Variants in CCDC91 observed in about 807,000 individuals in gnomAD.
CCDC91 encodes coiled-coil domain-containing protein 91.
CCDC91 carries 48 observed loss-of-function variants against 63.2 expected under a neutral mutation model. The observed-to-expected ratio is 0.76, with a 90% CI of 0.60 to 0.97. CCDC91 has a LOEUF of 0.97. Among genes scored for constraint, CCDC91 ranks in the 50% least tolerant of loss-of-function variants. The pLI is 0.00. For synonymous variants in CCDC91, 167 were observed against 165.8 expected, an observed-to-expected ratio of 1.01 and a Z score of -0.06; for missense variants, 500 against 494.6, an observed-to-expected ratio of 1.01 and a Z score of -0.10.
At chr12:28,394,461 CAAA>C (rs200162921) in intron 8 of CCDC91, among the ~76,000 whole-genome samples, 3 of 144,804 alleles carry the variant, frequency 2.1e-5, no homozygotes, top group African/African-American at 8.0e-5. Context: ...GAGTCTGTCT[CAAA>C]AAAACAAACA....
intron 12 of CCDC91, among the ~76,000 whole-genome samples, chr12:28,492,778 AT>A (rs1401772798): frequency 6.6e-6 from 1 of 151,590 alleles, no homozygotes; most frequent in Non-Finnish European, 1.5e-5. Flanking sequence ...CTATAAAACT[AT>A]GTTGTTTTTG....
chr12:28,316,753 T>C (rs1193557294), intron 6 of CCDC91, among the ~76,000 whole-genome samples: 4 of 151,756 alleles, frequency 2.6e-5, no homozygotes, highest in African/African-American at 9.7e-5. Context: ...TTTAAAATTC[T>C]GTGTTTTTGT....
Position 28,267,844 on chromosome 12 carries a change from AT to A in CCDC91, c.109+8404del, listed in dbSNP as rs1471703419. ...TATTATTAATATATAATTATATATA[AT>A]TATATAGTAATATATAATTATATAT... On this transcript the variant is annotated intron_variant, in intron 3 of 12. Transcript: ENST00000536442. Among the ~76,000 whole-genome samples the A allele has an allele frequency of 6.0e-3, 116 of 19,314 alleles. 14 individuals carry two copies. Among genetic ancestry groups the A allele is most frequent in the Middle Eastern group, 0.091 (2 of 22 alleles). The allele number at this position is 19,314 out of a possible 152,430, so 12.7% of individuals were successfully genotyped here.
chr12:28,259,477 T>G (rs1818039509), intron 3 of CCDC91, 35 bp downstream of exon 3: 3 of 1,401,760 alleles, frequency 2.1e-6, no homozygotes, highest in Non-Finnish European at 3.0e-6. Flanking sequence ...TTTTTTTTTT[T>G]TTTTTCCCAT....
chr12:28,456,932 A>G (rs74072604), intron 11 of CCDC91, among the ~76,000 whole-genome samples: 116 of 152,298 alleles, frequency 7.6e-4, no homozygotes, highest in African/African-American at 2.6e-3. Context: ...TAATTTCTAG[A>G]TAGGGTTCTA....
intron 11 of CCDC91, among the ~76,000 whole-genome samples, chr12:28,479,322 A>G (rs1199365176): frequency 5.3e-5 from 8 of 152,188 alleles, no homozygotes; most frequent in African/African-American, 1.9e-4. Context: ...AGGGACATGG[A>G]TGAAGCTGGT....
intron 6 of CCDC91, among the ~76,000 whole-genome samples, chr12:28,321,118 AT>A (rs888841775): frequency 6.6e-6 from 1 of 151,502 alleles, no homozygotes; most frequent in South Asian, 2.1e-4. Context: ...CTATTTGAGC[AT>A]TTTTTTTGCT....
At chr12:28,304,161 G>A (rs1938389552) in intron 3 of CCDC91, among the ~76,000 whole-genome samples, 1 of 151,638 alleles carries the variant, frequency 6.6e-6, no homozygotes, top group Non-Finnish European at 1.5e-5. Flanking sequence ...GGCGGATCAT[G>A]AGGTCAGGAG....
At chr12:28,361,617 GCT>G (rs1943892946) in intron 6 of CCDC91, among the ~76,000 whole-genome samples, 1 of 150,402 alleles carries the variant, frequency 6.6e-6, no homozygotes, top group Non-Finnish European at 1.5e-5. Flanking sequence ...TCTGTTTCCG[GCT>G]CTCTTTCATC....
chr12:28,202,851 T>A (rs912434473), intron 1 of CCDC91, among the ~76,000 whole-genome samples: 7 of 152,224 alleles, frequency 4.6e-5, no homozygotes, highest in Admixed American at 4.6e-4. Context: ...CTGGTCAGCT[T>A]GTTGTTTGCC....
intron 7 of CCDC91, among the ~76,000 whole-genome samples, chr12:28,375,939 G>A (rs1944915849): frequency 6.6e-6 from 1 of 151,632 alleles, no homozygotes; most frequent in Non-Finnish European, 1.5e-5. Context: ...TTTGTTTTAA[G>A]GTCCACTCAA....
chr12:28,362,584 T>C, intron 7 of CCDC91, 69 bp downstream of exon 7: 1 of 922,084 alleles, frequency 1.1e-6, no homozygotes, highest in East Asian at 2.7e-5. Flanking sequence ...CACATGTAGG[T>C]ATGTGCAAAC....
chr12:28,466,768 T>G (rs1248865812), intron 11 of CCDC91, among the ~76,000 whole-genome samples: 1 of 152,232 alleles, frequency 6.6e-6, no homozygotes, highest in South Asian at 2.1e-4. Context: ...AGAAATCATC[T>G]GAATGTGCAA....
chr12:28,303,618 C>T (rs1202375628), intron 3 of CCDC91, among the ~76,000 whole-genome samples: 2 of 151,970 alleles, frequency 1.3e-5, no homozygotes, highest in South Asian at 4.1e-4. Flanking sequence ...ACATATATAC[C>T]TTTAAACATA....
chr12:28,522,583 CTCTGA>C (rs1383295481), intron 12 of CCDC91, among the ~76,000 whole-genome samples: 2 of 152,126 alleles, frequency 1.3e-5, no homozygotes, highest in Non-Finnish European at 2.9e-5. Context: ...TTCAGTTCTG[CTCTGA>C]TCTTAGTTAT....
At chr12:28,528,771 T>G (rs1941493957) in intron 12 of CCDC91, among the ~76,000 whole-genome samples, 1 of 152,164 alleles carries the variant, frequency 6.6e-6, no homozygotes, top group African/African-American at 2.4e-5. Flanking sequence ...AGACAGTGTC[T>G]TGCCCTGTCA....
intron 8 of CCDC91, among the ~76,000 whole-genome samples, chr12:28,412,383 G>T (rs1209896511): frequency 6.6e-6 from 1 of 152,204 alleles, no homozygotes; most frequent in Non-Finnish European, 1.5e-5. Context: ...GTTGAAGGCA[G>T]TTAAGAAGAA....
At chr12:28,196,794 G>A (rs1941802444) in intron 1 of CCDC91, among the ~76,000 whole-genome samples, 1 of 152,042 alleles carries the variant, frequency 6.6e-6, no homozygotes, top group Admixed American at 6.5e-5. Context: ...ACATTGTGGT[G>A]GCTTTTCTTT....
At chr12:28,441,604 C>CATAT (rs3037229) in intron 8 of CCDC91, among the ~76,000 whole-genome samples, 1 of 147,816 alleles carries the variant, frequency 6.8e-6, no homozygotes, top group South Asian at 2.1e-4. Flanking sequence ...TGTATGTATA[C>CATAT]ATATATATAT....
Sources: gnomAD v4.1 joint callset for allele counts (sites outside exome capture counted in the v4.1 genomes callset) on GRCh38, gnomAD v4.1.1 for gene constraint, MANE v1.5 for transcripts, NCBI Gene and HGNC (gene_info 2026-07-23, HGNC 2026-07-21) for gene names.